PSMG4: variants seen among roughly 807,000 people sequenced by gnomAD.
PSMG4 encodes the protein proteasome assembly chaperone 4, also known as proteasome (prosome, macropain) assembly chaperone 4.
PSMG4 carries 10 observed loss-of-function variants against 11.0 expected under a neutral mutation model. The observed-to-expected ratio is 0.91, with a 90% confidence interval of 0.56 to 1.54. The LOEUF (loss-of-function observed/expected upper bound fraction) is 1.54, where lower values mean the gene tolerates loss of function less well. Ranked by LOEUF, PSMG4 falls within the 40% of genes most tolerant of loss-of-function variation. PSMG4 has a pLI of 0.00. For synonymous variants in PSMG4, 95 were observed against 71.3 expected (o/e 1.33, Z -1.68); for missense variants, 198 against 160.9 (o/e 1.23, Z -1.25).
intron 1 of PSMG4, among the ~76,000 whole-genome samples, chr6:3,260,283 ATATATATAT>A (rs1200235731): frequency 1.1e-3 from 32 of 30,232 alleles, no homozygotes; most frequent in African/African-American, 4.0e-3. Flanking sequence ...AATTGTATAT[ATATATATAT>A]TTTTTTTTTT....
chr6:3,266,585 T>C (rs534200869), intron 2 of PSMG4: 2 of 152,284 alleles, frequency 1.3e-5, no homozygotes, highest in Admixed American at 1.3e-4. Context: ...TTCAGGATAT[T>C]GGCTTTCAGA....
chr6:3,259,014 TG>T lies in PSMG4; in HGVS notation c.-5del. The T allele has an allele frequency of 8.0e-7, 1 of 1,242,938 alleles. No individual in the cohort carries two copies. 77.0% of individuals were successfully genotyped at this position (1,242,938 alleles called of 1,614,324 possible). A position where few individuals can be genotyped will look rare whatever the true frequency, so the allele number is the denominator to read the frequency against. On this transcript the variant is annotated 5_prime_UTR_variant, in exon 1 of 3. Coordinates refer to ENST00000438998, the MANE Select transcript of PSMG4 (RefSeq NM_001128591.2). ...GTCTGGCGCTGTGGGCCGGGAGCCG[TG>T]GGGCGGCATGGAGGGGCTGGTTGTC...
upstream of PSMG4, among the ~76,000 whole-genome samples, chr6:3,257,892 T>G (rs5003231): frequency 0.68 from 103,373 of 152,190 alleles, 38,532 homozygotes; most frequent in Non-Finnish European, 0.83. Flanking sequence ...TGTTAAAATA[T>G]TGACCTGAAA....
chr6:3,254,848 T>A (rs1042876910), upstream of PSMG4, among the ~76,000 whole-genome samples: 5 of 152,198 alleles, frequency 3.3e-5, no homozygotes, highest in African/African-American at 7.2e-5. Flanking sequence ...GAAAACACTT[T>A]AACTCAGGGT....
At chr6:3,260,291 A>ATATT in intron 1 of PSMG4, among the ~76,000 whole-genome samples, 13 of 70,840 alleles carry the variant, frequency 1.8e-4, no homozygotes, top group African/African-American at 2.2e-4. Context: ...ATATATATAT[A>ATATT]TTTTTTTTTT....
upstream of PSMG4, chr6:3,255,285 C>A (rs377760114): frequency 1.3e-6 from 2 of 1,534,560 alleles, no homozygotes; most frequent in East Asian, 2.5e-5. Flanking sequence ...ACGGGTCTAT[C>A]GGTGCCCATC....
upstream of PSMG4, chr6:3,254,921 C>A (rs906896674): frequency 5.0e-6 from 5 of 1,000,642 alleles, no homozygotes; most frequent in East Asian, 7.9e-5. Context: ...GCTGGTGCTT[C>A]AGCCATTCTC....
chr6:3,256,889 A>G (rs1238697808), upstream of PSMG4, among the ~76,000 whole-genome samples: 1 of 152,092 alleles, frequency 6.6e-6, no homozygotes, highest in Non-Finnish European at 1.5e-5. Flanking sequence ...AGTTGGGACA[A>G]GTTTTTTTTG....
chr6:3,258,922 A>T, upstream of PSMG4: 3 of 1,150,866 alleles, frequency 2.6e-6, no homozygotes, highest in Non-Finnish European at 3.3e-6. Context: ...CCGAAAGCGA[A>T]AGCGCGCTCG....
At chr6:3,264,158 T>G in intron 2 of PSMG4, 2 of 1,548,200 alleles carry the variant, frequency 1.3e-6, no homozygotes, top group Non-Finnish European at 1.7e-6. Flanking sequence ...GTGGAGCAGG[T>G]GTCACCTCTG....
At chr6:3,255,296 C>T (rs1581540595), upstream of PSMG4, 4 of 1,525,166 alleles carry the variant, frequency 2.6e-6, no homozygotes, top group Middle Eastern at 2.3e-4. Flanking sequence ...GGTGCCCATC[C>T]TGGGAGAGTG....
upstream of PSMG4, chr6:3,255,014 G>T (rs1008155935): frequency 8.9e-5 from 137 of 1,545,494 alleles, no homozygotes; most frequent in Non-Finnish European, 1.1e-4. Flanking sequence ...CCATGTGGGA[G>T]CGCTGGGATA....
At chr6:3,254,682 A>G (rs1033493444), upstream of PSMG4, among the ~76,000 whole-genome samples, 2 of 152,038 alleles carry the variant, frequency 1.3e-5, no homozygotes, top group African/African-American at 4.8e-5. Flanking sequence ...AAACCACTAA[A>G]CTCAACAGAA....
intron 1 of PSMG4, among the ~76,000 whole-genome samples, chr6:3,260,274 A>G (rs1358877787): frequency 1.1e-5 from 1 of 93,318 alleles, no homozygotes; most frequent in Non-Finnish European, 1.9e-5. Flanking sequence ...CTTGTCTTAA[A>G]TTGTATATAT....
rs571551333 is a variant in PSMG4 at position 3,267,709 on chromosome 6, C to T, written c.369C>T (p.Phe123=). The T allele has an allele frequency of 3.7e-5, 57 of 1,551,942 alleles. 1 individual carries two copies. The South Asian group carries it at 6.5e-4, about 18-fold the overall frequency. The change falls in exon 3 of 3, where the codon TTC becomes TTT. Residue 123 remains phenylalanine, a synonymous_variant. Coordinates refer to ENST00000438998, the MANE Select transcript of PSMG4 (RefSeq NM_001128591.2). ...KEEMEAFPEK[F] ...AGATGGAGGCTTTCCCCGAAAAGTT[C>T]TAGCTGAGTGGCAGAAGTGAGAATT...
chr6:3,257,024 G>A (rs1426392312), upstream of PSMG4, among the ~76,000 whole-genome samples: 1 of 152,176 alleles, frequency 6.6e-6, no homozygotes, highest in African/African-American at 2.4e-5. Context: ...TGTACAAGGA[G>A]GGACATCTTT....
At chr6:3,264,411 C>T (rs1342581842) in intron 2 of PSMG4, 15 of 1,490,238 alleles carry the variant, frequency 1.0e-5, no homozygotes, top group East Asian at 7.4e-5. Context: ...CCAGGCCTGG[C>T]GTTCTCCAGT....
chr6:3,256,287 C>T (rs1462595701), upstream of PSMG4, among the ~76,000 whole-genome samples: 1 of 152,190 alleles, frequency 6.6e-6, no homozygotes, highest in African/African-American at 2.4e-5. Context: ...GTATATATAT[C>T]CCAGTTATAC....
chr6:3,264,287 CCA>C (rs1222886703), intron 2 of PSMG4: 1 of 1,551,352 alleles, frequency 6.4e-7, no homozygotes, highest in East Asian at 2.4e-5. Flanking sequence ...GCTGAATGCT[CCA>C]CTCTTCCCAC....
Sources: allele counts gnomAD v4.1 joint callset (sites outside exome capture counted in the v4.1 genomes callset), GRCh38; gene constraint gnomAD v4.1.1; transcripts MANE v1.5; gene names NCBI Gene and HGNC (gene_info 2026-07-23, HGNC 2026-07-21).